The following IL1RAPL1 variants were observed in gnomAD, a reference collection of about 807,000 sequenced individuals.
IL1RAPL1 encodes interleukin-1 receptor accessory protein-like 1.
A neutral mutation model predicts 48.4 loss-of-function variants in IL1RAPL1; 3 were observed. The observed-to-expected ratio is 0.06, with a 90% confidence interval of 0.03 to 0.16. IL1RAPL1 has a LOEUF of 0.16. IL1RAPL1 is among the 10% of genes least tolerant of loss of function. The probability of loss-of-function intolerance (pLI) is 1.00; values close to 1 mark genes in which losing one functional copy is unlikely to be tolerated. For synonymous variants in IL1RAPL1, 185 were observed against 187.7 expected, an observed-to-expected ratio of 0.99 and a Z score of 0.12; for missense variants, 349 against 530.6, an observed-to-expected ratio of 0.66 and a Z score of 3.36.
At chrX:29,948,209 G>A (rs767058721) in intron 9 of IL1RAPL1, among the ~76,000 whole-genome samples, 2 of 111,015 alleles carry the variant, frequency 1.8e-5, no homozygotes, top group Non-Finnish European at 3.8e-5. Flanking sequence ...GCTTCTGGGT[G>A]TTTTTTTCAC....
rs559230768 is a variant in IL1RAPL1 at position 29,221,872 on chromosome X, G to A, written c.83-61066G>A. On this transcript the variant is annotated intron_variant, in intron 2 of 10. Transcript: ENST00000378993. ...CTAAAAGTACAAAAATAAGCCAGGCGTGGTGGCATGCGCCTGTAATCCCAG... is the reference window on the plus strand; with the variant it reads ...CTAAAAGTACAAAAATAAGCCAGGCATGGTGGCATGCGCCTGTAATCCCAG... Among the ~76,000 whole-genome samples the A allele has an allele frequency of 1.5e-4, 16 of 110,001 alleles. No homozygotes were observed. The South Asian group carries it at 5.5e-3, about 38-fold the overall frequency.
Position 29,142,185 on chromosome X carries a change from T to C in IL1RAPL1, c.83-140753T>C, listed in dbSNP as rs1438257460. ...CTACAAACCTTGTTCAATCTTATTA[T>C]TTAAAAATAACTTTTATTAAGATAA... On this transcript the variant is annotated intron_variant, in intron 2 of 10. Coordinates refer to ENST00000378993, the MANE Select transcript of IL1RAPL1 (RefSeq NM_014271.4). 4.5e-5 allele frequency among the ~76,000 whole-genome samples: 5 copies of C among 112,026 alleles called. No homozygotes were observed. In the Admixed American group the frequency reaches 4.8e-4, roughly 11 times the overall value.
At chrX:29,009,505 G>C (rs1012200653) in intron 2 of IL1RAPL1, among the ~76,000 whole-genome samples, 2 of 112,014 alleles carry the variant, frequency 1.8e-5, no homozygotes, top group African/African-American at 6.5e-5. Context: ...CAACACCATT[G>C]GTTGAATGGG....
chrX:29,405,288 A>G (rs1239715478), intron 5 of IL1RAPL1, among the ~76,000 whole-genome samples: 1 of 108,572 alleles, frequency 9.2e-6, no homozygotes, highest in Non-Finnish European at 1.9e-5. Flanking sequence ...TATTGCTTGC[A>G]TGGTTTTTGA....
intron 3 of IL1RAPL1, among the ~76,000 whole-genome samples, chrX:29,347,270 C>T (rs1367632243): frequency 9.0e-6 from 1 of 111,608 alleles, no homozygotes; most frequent in African/African-American, 3.3e-5. Flanking sequence ...GTTAGAGGTG[C>T]AACTGCAAAA....
intron 2 of IL1RAPL1, among the ~76,000 whole-genome samples, chrX:28,853,186 G>C (rs2147298015): frequency 8.9e-6 from 1 of 111,779 alleles, no homozygotes; most frequent in Non-Finnish European, 1.9e-5. Flanking sequence ...AATGCAGACT[G>C]TCTACAGCAA....
intron 2 of IL1RAPL1, among the ~76,000 whole-genome samples, chrX:28,952,800 A>C (rs1924506864): frequency 9.0e-6 from 1 of 111,722 alleles, no homozygotes; most frequent in Non-Finnish European, 1.9e-5. Context: ...GGTTAAACAA[A>C]GGCAGATCTT....
chrX:28,892,323 G>C (rs1198348974), intron 2 of IL1RAPL1, among the ~76,000 whole-genome samples: 2 of 108,159 alleles, frequency 1.8e-5, no homozygotes, highest in Non-Finnish European at 3.8e-5. Flanking sequence ...GTGGGGGTCA[G>C]AAGGTGCTCA....
intron 2 of IL1RAPL1, among the ~76,000 whole-genome samples, chrX:28,973,947 G>T (rs1379583132): frequency 8.9e-6 from 1 of 112,454 alleles, no homozygotes; most frequent in African/African-American, 3.2e-5. Flanking sequence ...TCTAGCCTAG[G>T]ACTCAATTAG....
chrX:29,198,079 C>T (rs1427480570), intron 2 of IL1RAPL1, among the ~76,000 whole-genome samples: 3 of 111,050 alleles, frequency 2.7e-5, no homozygotes, highest in Non-Finnish European at 5.7e-5. Flanking sequence ...AAATAGAAGA[C>T]ATGCTTTTCA....
At chrX:29,563,204 CAT>C (rs202120201) in intron 5 of IL1RAPL1, among the ~76,000 whole-genome samples, 27,916 of 110,812 alleles carry the variant, frequency 0.25, 2,842 homozygotes, top group South Asian at 0.43. Flanking sequence ...TTAATGTTCT[CAT>C]GTGCAGTTTT....
intron 6 of IL1RAPL1, among the ~76,000 whole-genome samples, chrX:29,698,881 T>G (rs1926982984): frequency 8.9e-6 from 1 of 112,301 alleles, no homozygotes; most frequent in African/African-American, 3.2e-5. Flanking sequence ...TTATTAGTTC[T>G]CCATACAGAG....
intron 2 of IL1RAPL1, among the ~76,000 whole-genome samples, chrX:28,848,764 A>C (rs965884338): frequency 1.8e-5 from 2 of 111,728 alleles, no homozygotes; most frequent in African/African-American, 6.5e-5. Context: ...ATCTGGAATA[A>C]TTAGAAGGAC....
chrX:29,432,333 C>T (rs1934431489), intron 5 of IL1RAPL1, among the ~76,000 whole-genome samples: 1 of 111,593 alleles, frequency 9.0e-6, no homozygotes, highest in Admixed American at 9.6e-5. Context: ...TCCCAAAGAT[C>T]TGGGAGCTAG....
At position 29,715,258 on chromosome X, in the gene IL1RAPL1, C is replaced by T. The variant is rs28671286; in HGVS notation, c.778+46754C>T. On this transcript the variant is annotated intron_variant, in intron 6 of 10. Transcript: ENST00000378993. ...TTATCTTAGGCCAGTGGTCCTAAAACATTAGCTTTCATCTGAATCACCTAG... is the reference window on the plus strand; with the variant it reads ...TTATCTTAGGCCAGTGGTCCTAAAATATTAGCTTTCATCTGAATCACCTAG... Among the ~76,000 whole-genome samples the T allele has an allele frequency of 4.8e-3, 533 of 111,292 alleles. 5 individuals are homozygous for T. Among genetic ancestry groups the T allele is most frequent in the African/African-American group, 0.016 (485 of 30,677 alleles).
chrX:28,704,421 A>ACAC (rs1935340175), intron 1 of IL1RAPL1, among the ~76,000 whole-genome samples: 1 of 89,536 alleles, frequency 1.1e-5, no homozygotes, highest in African/African-American at 4.1e-5. Flanking sequence ...AAAACACACA[A>ACAC]ACACACACAC....
intron 6 of IL1RAPL1, among the ~76,000 whole-genome samples, chrX:29,905,238 G>T (rs1395200436): frequency 1.8e-5 from 2 of 109,744 alleles, no homozygotes; most frequent in Non-Finnish European, 3.8e-5. Context: ...TTGTAAATTT[G>T]TTTAAGTTCC....
chrX:28,923,480 G>A (rs930711192), intron 2 of IL1RAPL1, among the ~76,000 whole-genome samples: 5 of 111,234 alleles, frequency 4.5e-5, no homozygotes, highest in African/African-American at 1.6e-4. Context: ...CAGCCTGTAC[G>A]TTTCTTTATA....
intron 1 of IL1RAPL1, among the ~76,000 whole-genome samples, chrX:28,731,687 G>A (rs1935757532): frequency 9.0e-6 from 1 of 111,581 alleles, no homozygotes; most frequent in Non-Finnish European, 1.9e-5. Flanking sequence ...GGGGAGTTGA[G>A]AAGATCAGAA....
Sources: gnomAD v4.1 joint callset for allele counts (sites outside exome capture counted in the v4.1 genomes callset) on GRCh38, gnomAD v4.1.1 for gene constraint, MANE v1.5 for transcripts, NCBI Gene and HGNC (gene_info 2026-07-23, HGNC 2026-07-21) for gene names.